Variants in TCEANC2 observed in about 807,000 individuals in gnomAD.
TCEANC2 encodes the protein transcription elongation factor A N-terminal and central domain containing 2.
Under a neutral mutation model 22.8 loss-of-function variants are expected in TCEANC2, and 20 were observed. That is an observed-to-expected ratio of 0.88 (90% CI 0.62 to 1.28). The LOEUF is 1.28. TCEANC2 is among the 50% of genes most tolerant of loss of function. The pLI is 0.00. For missense variants in TCEANC2, 251 were observed against 249.7 expected (o/e 1.01, Z -0.03); for synonymous variants, 84 against 95.5 (o/e 0.88, Z 0.70).
chr1:54,062,793 G>T (rs945119404), intron 2 of TCEANC2, among the ~76,000 whole-genome samples: 1 of 152,184 alleles, frequency 6.6e-6, no homozygotes, highest in South Asian at 2.1e-4. Flanking sequence ...AAATTCAAAA[G>T]GAAGCTGTAA....
chr1:54,057,346 A>G (rs1412406943), intron 2 of TCEANC2, among the ~76,000 whole-genome samples: 3 of 116,114 alleles, frequency 2.6e-5, no homozygotes, highest in African/African-American at 1.1e-4. Flanking sequence ...ACACCTGGCT[A>G]ATTTTTTTTT....
intron 3 of TCEANC2, among the ~76,000 whole-genome samples, chr1:54,082,844 G>A (rs373327038): frequency 7.9e-5 from 12 of 152,288 alleles, no homozygotes; most frequent in East Asian, 5.8e-4. Flanking sequence ...TTTATTAAGC[G>A]TATGGTATGA....
In TCEANC2 at chr1:54,078,721, CT is replaced by C. The variant is rs555870432; in HGVS notation, c.244+9826del. On this transcript the variant is annotated intron_variant, in intron 3 of 4. Transcript: ENST00000234827. ...CCAGGAAGTGTTTGCTTGCAATCAC[CT>C]TAGTAGATGAATTCTCTAAGTAAAA... Among the ~76,000 whole-genome samples, 210 of 152,094 alleles carry C rather than the reference CT, an allele frequency of 1.4e-3. 1 individual carries two copies. Among genetic ancestry groups the C allele is most frequent in the African/African-American group, 4.9e-3 (203 of 41,462 alleles).
At chr1:54,058,916 A>T (rs1158477820) in intron 2 of TCEANC2, among the ~76,000 whole-genome samples, 1 of 152,022 alleles carries the variant, frequency 6.6e-6, no homozygotes, top group Non-Finnish European at 1.5e-5. Flanking sequence ...CGGCCTCCCA[A>T]AGTGCTAGGA....
rs1379814723 is a variant in TCEANC2 at position 54,100,573 on chromosome 1, C to A, written c.*4100C>A. The A allele has an allele frequency of 1.3e-5, 2 of 152,192 alleles. No homozygotes were observed. Among genetic ancestry groups the A allele is most frequent in the African/African-American group, 2.4e-5 (1 of 41,450 alleles). 9.4% of individuals were successfully genotyped at this position (152,192 alleles called of 1,614,324 possible). ...TTCACAGAGGAGTTCATGTTTGAAC[C>A]AAAGCCAGAAGGATAGGTAGGAGTT... On this transcript the variant is annotated 3_prime_UTR_variant, in exon 5 of 5. Transcript: ENST00000234827.
chr1:54,059,885 T>C (rs1359630929), intron 2 of TCEANC2, among the ~76,000 whole-genome samples: 2 of 152,240 alleles, frequency 1.3e-5, no homozygotes, highest in African/African-American at 4.8e-5. Context: ...AGCACAATGC[T>C]AAGTACTATA....
rs947611133 is a variant in TCEANC2 at position 54,096,950 on chromosome 1, C to G, written c.*477C>G. On this transcript the variant is annotated 3_prime_UTR_variant, in exon 5 of 5. Transcript: ENST00000234827. The surrounding 1 kb of genome is among the most constrained non-coding windows in gnomAD (Gnocchi z 4.9). ...CCCCTGTCTGTTCTCTTTGCTCTAT[C>G]CCAGGGGTGAGCCTGCGAGAGCCAG... 1 of 986,220 alleles carries G rather than the reference C, an allele frequency of 1.0e-6. No homozygotes were observed. The highest frequency in any genetic ancestry group is 1.7e-5 in the African/African-American group (1 of 57,228). The allele number at this position is 986,220 out of a possible 1,614,324, so 61.1% of individuals were successfully genotyped here.
intron 2 of TCEANC2, 28 bp downstream of exon 2, chr1:54,054,552 A>G (rs771734555): frequency 1.2e-6 from 2 of 1,600,932 alleles, no homozygotes; most frequent in Admixed American, 1.7e-5. Context: ...GCTAGAGGAA[A>G]TGTGCAAAGG....
intron 2 of TCEANC2, among the ~76,000 whole-genome samples, chr1:54,064,692 CTTTTT>C (rs67486092): frequency 5.3e-5 from 5 of 93,672 alleles, no homozygotes; most frequent in East Asian, 3.1e-4. Context: ...TGCATTTTTC[CTTTTT>C]TTTTTTTTTT....
intron 4 of TCEANC2, among the ~76,000 whole-genome samples, chr1:54,089,161 A>G (rs1455507249): frequency 6.6e-6 from 1 of 152,238 alleles, no homozygotes; most frequent in East Asian, 1.9e-4. Context: ...TTAAGGTATT[A>G]AAAAGGTTAA....
At chr1:54,111,790 C>T (rs1050841085) in exon 5 of TCEANC2, 4 of 152,166 alleles carry the variant, frequency 2.6e-5, no homozygotes, top group African/African-American at 9.7e-5. Context: ...AGACAGGCTC[C>T]AAATCCCAGT....
chr1:54,056,148 A>G (rs1306090360), intron 2 of TCEANC2, among the ~76,000 whole-genome samples: 16 of 152,180 alleles, frequency 1.1e-4, no homozygotes, highest in Admixed American at 1.0e-3. Flanking sequence ...AAGGTTTTCA[A>G]CTGTCTCTAC....
intron 2 of TCEANC2, among the ~76,000 whole-genome samples, chr1:54,062,093 A>G (rs1375810971): frequency 6.6e-6 from 1 of 152,238 alleles, no homozygotes; most frequent in African/African-American, 2.4e-5. Flanking sequence ...TTGTAGGATC[A>G]ACTAGCCAAT....
chr1:54,094,981 T>C (rs1177477459), intron 4 of TCEANC2, among the ~76,000 whole-genome samples: 1 of 151,882 alleles, frequency 6.6e-6, no homozygotes, highest in Non-Finnish European at 1.5e-5. Context: ...TCTAAATTTT[T>C]TTTTAATTTT....
chr1:54,111,551 A>G (rs970488808), exon 5 of TCEANC2: 1 of 152,074 alleles, frequency 6.6e-6, no homozygotes, highest in African/African-American at 2.4e-5. Context: ...ACCTTCCCAC[A>G]CCGGGCAGAA....
chr1:54,074,531 A>G (rs1405061241), intron 3 of TCEANC2, among the ~76,000 whole-genome samples: 1 of 152,214 alleles, frequency 6.6e-6, no homozygotes, highest in Admixed American at 6.5e-5. Flanking sequence ...CCAAGAGCTG[A>G]GTCTAAAATC....
chr1:54,064,751 G>A (rs1252258496), intron 2 of TCEANC2, among the ~76,000 whole-genome samples: 2 of 139,026 alleles, frequency 1.4e-5, no homozygotes, highest in Non-Finnish European at 3.0e-5. Context: ...CTAGGCTGGA[G>A]TGCAGTGGTG....
At chr1:54,107,208 G>A (rs1324651430), downstream of TCEANC2, among the ~76,000 whole-genome samples, 1 of 152,178 alleles carries the variant, frequency 6.6e-6, no homozygotes, top group African/African-American at 2.4e-5. Context: ...GTCTTGAGCA[G>A]TACTGGCCAG....
At chr1:54,059,212 G>A (rs1569991498) in intron 2 of TCEANC2, among the ~76,000 whole-genome samples, 2 of 150,766 alleles carry the variant, frequency 1.3e-5, no homozygotes, top group Admixed American at 6.6e-5. Context: ...GAGTGCAGTG[G>A]CATGATCTCA....
Sources: gnomAD v4.1 joint callset for allele counts (sites outside exome capture counted in the v4.1 genomes callset) on GRCh38, gnomAD v4.1.1 for gene constraint, Gnocchi (gnomAD v3.1) non-coding constraint, MANE v1.5 for transcripts, NCBI Gene and HGNC (gene_info 2026-07-23, HGNC 2026-07-21) for gene names.